DPP6: variants seen among roughly 807,000 people sequenced by gnomAD.
The protein encoded by DPP6 is A-type potassium channel modulatory protein DPP6.
In DPP6, 69 loss-of-function variants were observed where a neutral mutation model predicts 122.6. The observed-to-expected ratio is 0.56, with a 90% CI of 0.46 to 0.69. The LOEUF (loss-of-function observed/expected upper bound fraction) is 0.69. DPP6 is among the 30% of genes least tolerant of loss of function. DPP6 has a pLI of 0.00. For synonymous variants in DPP6, 418 were observed against 433.1 expected (o/e 0.97, Z 0.43); for missense variants, 928 against 1,116.9 (o/e 0.83, Z 2.41).
the DPP6 span, among the ~76,000 whole-genome samples, chr7:153,823,720 G>A: frequency 6.6e-6 from 1 of 151,866 alleles, no homozygotes; most frequent in Non-Finnish European, 1.5e-5. Flanking sequence ...TGTCGTAGCC[G>A]TTACATGACT....
At chr7:154,218,484 T>C (rs1800127542) in intron 1 of DPP6, among the ~76,000 whole-genome samples, 1 of 152,192 alleles carries the variant, frequency 6.6e-6, no homozygotes, top group Non-Finnish European at 1.5e-5. Context: ...TGCATGGGAA[T>C]GTGAATTATT....
chr7:154,479,581 A>AAAAG (rs1212465277), intron 3 of DPP6, among the ~76,000 whole-genome samples: 3 of 73,580 alleles, frequency 4.1e-5, no homozygotes, highest in South Asian at 9.1e-4. Context: ...AAAAGAAAAG[A>AAAAG]AAAGAAAAAG....
intron 4 of DPP6, among the ~76,000 whole-genome samples, chr7:154,550,599 G>A (rs1159876684): frequency 6.6e-6 from 1 of 152,084 alleles, no homozygotes; most frequent in Non-Finnish European, 1.5e-5. Context: ...GGAAATATTT[G>A]TGTTTACTAA....
chr7:154,196,794 AG>A (rs1471165624), intron 1 of DPP6, among the ~76,000 whole-genome samples: 1 of 152,132 alleles, frequency 6.6e-6, no homozygotes, highest in East Asian at 1.9e-4. Flanking sequence ...CAAGCTCCCC[AG>A]GCTGGCTTTA....
chr7:154,013,854 A>G (rs1294766131), intron 1 of DPP6, among the ~76,000 whole-genome samples: 1 of 151,480 alleles, frequency 6.6e-6, no homozygotes, highest in East Asian at 2.0e-4. Context: ...TAACCCCACT[A>G]TCCTTTGCCT....
intron 1 of DPP6, among the ~76,000 whole-genome samples, chr7:154,405,605 G>A (rs1026323197): frequency 1.4e-4 from 22 of 152,022 alleles, no homozygotes; most frequent in African/African-American, 5.1e-4. Context: ...GGGCTCTGGA[G>A]GCTCAGCTCC....
At chr7:154,175,665 A>G (rs557590472) in intron 1 of DPP6, among the ~76,000 whole-genome samples, 103 of 151,496 alleles carry the variant, frequency 6.8e-4, no homozygotes, top group Non-Finnish European at 1.2e-3. Flanking sequence ...TACACCTACC[A>G]TTCACTGGCA....
intron 1 of DPP6, among the ~76,000 whole-genome samples, chr7:153,944,814 A>G (rs1801872184): frequency 6.6e-6 from 1 of 151,976 alleles, no homozygotes; most frequent in Non-Finnish European, 1.5e-5. Flanking sequence ...TATTTTTAGT[A>G]GAGATGGGGT....
At chr7:153,822,411 G>A in the DPP6 span, among the ~76,000 whole-genome samples, 1 of 152,026 alleles carries the variant, frequency 6.6e-6, no homozygotes, top group Admixed American at 6.6e-5. Context: ...GACTAGTCTC[G>A]AACTCCTGAC....
At chr7:153,948,177 T>G (rs2129019718) in intron 1 of DPP6, among the ~76,000 whole-genome samples, 1 of 152,338 alleles carries the variant, frequency 6.6e-6, no homozygotes, top group East Asian at 1.9e-4. Context: ...GCCATGATTT[T>G]TTTTCAAATA....
In DPP6 at chr7:154,102,728, G is replaced by C. The variant is rs188889046; in HGVS notation, c.243+49665G>C. 7.4e-3 allele frequency among the ~76,000 whole-genome samples: 1,127 copies of C among 152,138 alleles called. 24 individuals are homozygous for C. Among genetic ancestry groups the C allele is most frequent in the African/African-American group, 0.026 (1,087 of 41,476 alleles). On this transcript the variant is annotated intron_variant, in intron 1 of 25. Transcript: ENST00000377770. ...TGAATGGACAACTATAAAACCTCCT[G>C]TTTCTCTATTTCATGTCAGACAACC...
At chr7:154,721,392 A>G (rs1428979867) in intron 7 of DPP6, among the ~76,000 whole-genome samples, 1 of 152,198 alleles carries the variant, frequency 6.6e-6, no homozygotes, top group East Asian at 1.9e-4. Flanking sequence ...GTCTTCATCT[A>G]CAAAGCAGGA....
chr7:154,564,596 A>G (rs1830624775), intron 4 of DPP6, among the ~76,000 whole-genome samples: 1 of 152,226 alleles, frequency 6.6e-6, no homozygotes, highest in African/African-American at 2.4e-5. Context: ...ATTCTATACA[A>G]AAATGTGAAA....
At chr7:154,320,798 CT>C (rs1395716241) in intron 1 of DPP6, among the ~76,000 whole-genome samples, 2 of 152,018 alleles carry the variant, frequency 1.3e-5, no homozygotes, top group African/African-American at 4.8e-5. Flanking sequence ...TATTGTACTT[CT>C]GTTTGAACTT....
At chr7:153,956,433 T>C (rs1360484446) in intron 1 of DPP6, among the ~76,000 whole-genome samples, 1 of 152,178 alleles carries the variant, frequency 6.6e-6, no homozygotes, top group Non-Finnish European at 1.5e-5. Context: ...ACGAGCATCA[T>C]GATAGCATCT....
chr7:154,575,107 C>G (rs2130611131), intron 5 of DPP6, among the ~76,000 whole-genome samples: 1 of 63,600 alleles, frequency 1.6e-5, no homozygotes. Context: ...GGTGTGTATG[C>G]TGTTTGTGTG....
chr7:154,327,018 C>T (rs1440749060), intron 1 of DPP6, among the ~76,000 whole-genome samples: 3 of 152,124 alleles, frequency 2.0e-5, no homozygotes, highest in East Asian at 1.9e-4. Context: ...GTCACAGGAT[C>T]GTTAGACAGA....
intron 1 of DPP6, among the ~76,000 whole-genome samples, chr7:153,927,004 A>ATTT (rs1205041413): frequency 1.4e-5 from 2 of 145,964 alleles, no homozygotes; most frequent in African/African-American, 5.0e-5. Flanking sequence ...TTTAAGTTAA[A>ATTT]TTTTTTTTTT....
chr7:154,253,293 C>T (rs1802465137), intron 1 of DPP6, among the ~76,000 whole-genome samples: 1 of 152,086 alleles, frequency 6.6e-6, no homozygotes, highest in Non-Finnish European at 1.5e-5. Context: ...TCACACCTTC[C>T]CTGGTAGGTA....
Sources: gnomAD v4.1 joint callset for allele counts (sites outside exome capture counted in the v4.1 genomes callset) on GRCh38, gnomAD v4.1.1 for gene constraint, MANE v1.5 for transcripts, NCBI Gene and HGNC (gene_info 2026-07-23, HGNC 2026-07-21) for gene names.